C8orf34: variants seen among roughly 807,000 people sequenced by gnomAD.
C8orf34 encodes uncharacterized protein C8orf34.
C8orf34 carries 65 observed loss-of-function variants against 68.3 expected under a neutral mutation model. The ratio of observed to expected loss-of-function variants is 0.95; its 90% CI spans 0.78 to 1.17. The LOEUF (loss-of-function observed/expected upper bound fraction) is 1.17. Among genes scored for constraint, C8orf34 ranks in the 50% most tolerant of loss-of-function variants. The pLI, the probability that C8orf34 is intolerant of heterozygous loss-of-function variation, is 0.00. For synonymous variants in C8orf34, 244 were observed against 241.2 expected, an observed-to-expected ratio of 1.01 and a Z score of -0.11; for missense variants, 664 against 655.4, an observed-to-expected ratio of 1.01 and a Z score of -0.14.
chr8:68,349,717 C>G (rs902238407), intron 1 of C8orf34, among the ~76,000 whole-genome samples: 6 of 151,696 alleles, frequency 4.0e-5, no homozygotes, highest in Non-Finnish European at 8.9e-5. Flanking sequence ...GGTGTATGTG[C>G]CCAGAAATTT....
At chr8:68,367,447 C>T (rs1423228084) in intron 1 of C8orf34, among the ~76,000 whole-genome samples, 9 of 38,982 alleles carry the variant, frequency 2.3e-4, no homozygotes, top group South Asian at 2.0e-3. Context: ...GACACATGCA[C>T]ATGTATGTTT....
chr8:68,389,399 C>T (rs552089281), intron 1 of C8orf34, among the ~76,000 whole-genome samples: 30 of 152,026 alleles, frequency 2.0e-4, no homozygotes, highest in Non-Finnish European at 3.8e-4. Flanking sequence ...CTATTAAGTG[C>T]TACTCAAATG....
At chr8:68,439,752 G>T in intron 2 of C8orf34, 106 bp downstream of exon 2, 1 of 1,090,372 alleles carries the variant, frequency 9.2e-7, no homozygotes, top group Admixed American at 2.8e-5. Flanking sequence ...AGTTACCAAA[G>T]GTTTCATGTG....
intron 5 of C8orf34, among the ~76,000 whole-genome samples, chr8:68,512,421 CA>C (rs961838746): frequency 6.6e-6 from 1 of 152,004 alleles, no homozygotes; most frequent in Non-Finnish European, 1.5e-5. Context: ...TTGAACCATT[CA>C]AAAAGCCAGG....
intron 1 of C8orf34, among the ~76,000 whole-genome samples, chr8:68,355,606 G>A (rs1222071405): frequency 6.6e-6 from 1 of 152,062 alleles, no homozygotes; most frequent in Non-Finnish European, 1.5e-5. Flanking sequence ...CTGCCTTCTG[G>A]TATCCTGAGA....
intron 7 of C8orf34, chr8:68,533,525 C>A (rs1815338515): frequency 1.0e-6 from 1 of 987,784 alleles, no homozygotes. Flanking sequence ...ATATTTCAGC[C>A]CTCACTCCAA....
intron 5 of C8orf34, among the ~76,000 whole-genome samples, chr8:68,490,942 C>T (rs976122974): frequency 7.2e-5 from 11 of 152,164 alleles, no homozygotes; most frequent in Non-Finnish European, 1.3e-4. Context: ...AACAGCCAAT[C>T]GGAATGGTTT....
chr8:68,683,795 A>AT (rs757009370), intron 8 of C8orf34, among the ~76,000 whole-genome samples: 3 of 152,218 alleles, frequency 2.0e-5, no homozygotes, highest in Non-Finnish European at 4.4e-5. Flanking sequence ...CTTTAGAGAT[A>AT]TTTTTCACAT....
At chr8:68,482,209 G>A (rs1285681648) in intron 4 of C8orf34, among the ~76,000 whole-genome samples, 1 of 152,108 alleles carries the variant, frequency 6.6e-6, no homozygotes, top group Non-Finnish European at 1.5e-5. Context: ...TCTTGCCTCT[G>A]CCTTCTAAGA....
chr8:68,779,545 T>C (rs966044077), intron 11 of C8orf34, among the ~76,000 whole-genome samples: 4 of 152,130 alleles, frequency 2.6e-5, no homozygotes, highest in Non-Finnish European at 5.9e-5. Context: ...TCTGTTGAGG[T>C]TGGCTTTGCC....
rs558291252 is a variant in C8orf34, at chr8:68,692,330, A to G, written c.1242-16664A>G. 5.3e-5 allele frequency among the ~76,000 whole-genome samples: 8 copies of G among 152,218 alleles called. No individual in the cohort carries two copies. The South Asian group carries it at 1.7e-3, about 32-fold the overall frequency. ...AATAACTAGACTGTGGTATAGGGGA[A>G]AATTCATAATTTTTTCTTCAATAAT... On this transcript the variant is annotated intron_variant, in intron 8 of 13. Coordinates refer to ENST00000518698, the MANE Select transcript of C8orf34 (RefSeq NM_052958.4).
intron 6 of C8orf34, among the ~76,000 whole-genome samples, chr8:68,524,035 T>C (rs1481658277): frequency 6.6e-6 from 1 of 152,200 alleles, no homozygotes; most frequent in Non-Finnish European, 1.5e-5. Flanking sequence ...AAATAAAGCT[T>C]ATTGATGAGA....
chr8:68,727,344 C>T (rs142323900), intron 10 of C8orf34, among the ~76,000 whole-genome samples: 16 of 152,314 alleles, frequency 1.1e-4, no homozygotes, highest in African/African-American at 3.8e-4. Flanking sequence ...GGCAGTTCCA[C>T]CCCTATGGCT....
chr8:68,768,196 G>A (rs886400444), intron 10 of C8orf34, among the ~76,000 whole-genome samples: 3 of 152,150 alleles, frequency 2.0e-5, no homozygotes, highest in Non-Finnish European at 4.4e-5. Context: ...GTTTGTTTAT[G>A]AGTCATTTTG....
intron 1 of C8orf34, among the ~76,000 whole-genome samples, chr8:68,336,466 G>A (rs1332482005): frequency 1.3e-5 from 2 of 152,198 alleles, no homozygotes; most frequent in South Asian, 4.1e-4. Context: ...AGGAGTCACA[G>A]AGATAGTATA....
chr8:68,506,115 TAC>T (rs34384025), intron 5 of C8orf34, among the ~76,000 whole-genome samples: 3,153 of 150,718 alleles, frequency 0.021, 109 homozygotes, highest in African/African-American at 0.071. Context: ...TACACACACA[TAC>T]ACACACACAC....
intron 1 of C8orf34, among the ~76,000 whole-genome samples, chr8:68,424,115 T>TC (rs1165605229): frequency 2.6e-5 from 4 of 151,738 alleles, no homozygotes; most frequent in Middle Eastern, 6.8e-3. Flanking sequence ...GCTTCTTCCC[T>TC]CCCCCCTGCC....
chr8:68,470,759 A>G (rs1405640028), intron 4 of C8orf34, among the ~76,000 whole-genome samples: 2 of 152,076 alleles, frequency 1.3e-5, no homozygotes, highest in African/African-American at 2.4e-5. Flanking sequence ...ACATGGTGGA[A>G]GGGGCAAGGG....
At chr8:68,750,407 T>C (rs28379964) in intron 10 of C8orf34, among the ~76,000 whole-genome samples, 4,975 of 152,176 alleles carry the variant, frequency 0.033, 262 homozygotes, top group African/African-American at 0.11. Context: ...ATTGGCTAAT[T>C]CACGGAGACA....
Sources: allele counts gnomAD v4.1 joint callset (sites outside exome capture counted in the v4.1 genomes callset), GRCh38; gene constraint gnomAD v4.1.1; transcripts MANE v1.5; gene names NCBI Gene and HGNC (gene_info 2026-07-23, HGNC 2026-07-21).